The following PCDH11X variants were observed in gnomAD, a reference collection of about 807,000 sequenced individuals.
PCDH11X encodes the protein protocadherin 11 X-linked.
A neutral mutation model predicts 53.3 loss-of-function variants in PCDH11X; 18 were observed. The ratio of observed to expected loss-of-function variants is 0.34; its 90% CI spans 0.23 to 0.50. PCDH11X has a LOEUF of 0.50. Among genes scored for constraint, PCDH11X ranks in the 20% least tolerant of loss-of-function variants. The probability of loss-of-function intolerance (pLI) is 0.98; values close to 1 mark genes in which losing one functional copy is unlikely to be tolerated. For missense variants in PCDH11X, 570 were observed against 1,032.4 expected, an observed-to-expected ratio of 0.55 and a Z score of 6.14; for synonymous variants, 279 against 393.3, an observed-to-expected ratio of 0.71 and a Z score of 3.44.
intron 5 of PCDH11X, among the ~76,000 whole-genome samples, chrX:91,872,584 C>T (rs1440640988): frequency 4.6e-5 from 5 of 109,584 alleles, no homozygotes; most frequent in African/African-American, 6.6e-5. Context: ...TATATGAAGG[C>T]GTACCTAGAG....
chrX:92,054,840 A>AG lies in PCDH11X; in HGVS notation c.3034-146535_3034-146534insG, dbSNP rs761970338. On this transcript the variant is annotated intron_variant, in intron 6 of 10. Transcript: ENST00000682573. The stretch of plus-strand genomic sequence containing the variant: ...TGTCTCAAAAAAAAAAAAAAAAAAA[A>AG]AAAAGAAAAGAAAAGAAAAGAAAAA... 1.8e-3 allele frequency among the ~76,000 whole-genome samples: 191 copies of AG among 104,732 alleles called. 1 individual carries two copies. The highest frequency in any genetic ancestry group is 0.012 in the East Asian group (40 of 3,377). The allele number at this position is 104,732 out of a possible 115,157, so 90.9% of individuals were successfully genotyped here.
Position 91,878,001 on chromosome X carries a change from T to C in PCDH11X, c.1761T>C (p.Gly587=). The C allele has an allele frequency of 1.7e-6, 2 of 1,211,024 alleles. No homozygotes were observed. The highest frequency in any genetic ancestry group is 1.8e-5 in the South Asian group (1 of 56,907). ...FYVPENLPRH[G]TVGLITVTDP... The stretch of plus-strand genomic sequence containing the variant: ...TCCCAGAAAACCTTCCAAGGCATGG[T>C]ACAGTAGGACTAATCACTGTAACTG... Residue 587 remains glycine (G), a synonymous_variant, in exon 6 of 11, where the codon GGT becomes GGC. Coordinates refer to ENST00000682573, the MANE Select transcript of PCDH11X (RefSeq NM_032968.5).
intron 8 of PCDH11X, among the ~76,000 whole-genome samples, chrX:92,351,981 A>T (rs1418153399): frequency 8.9e-6 from 1 of 112,345 alleles, no homozygotes; most frequent in Non-Finnish European, 1.9e-5. Context: ...AATTGGAAGT[A>T]TTAACTCAGT....
intron 9 of PCDH11X, among the ~76,000 whole-genome samples, chrX:92,449,018 C>G (rs2072720690): frequency 8.9e-6 from 1 of 111,833 alleles, no homozygotes; most frequent in African/African-American, 3.2e-5. Context: ...TAGGACTTTT[C>G]TAAAGTCCTC....
intron 1 of PCDH11X, among the ~76,000 whole-genome samples, chrX:91,807,235 G>T (rs1424366128): frequency 9.2e-6 from 1 of 108,222 alleles, no homozygotes; most frequent in Non-Finnish European, 1.9e-5. Flanking sequence ...TGTAGTCCTA[G>T]TTGGGAGGCT....
At chrX:92,104,710 G>A (rs1328575520) in intron 6 of PCDH11X, among the ~76,000 whole-genome samples, 3 of 110,519 alleles carry the variant, frequency 2.7e-5, no homozygotes, top group African/African-American at 6.6e-5. Flanking sequence ...AAGGAGGCAA[G>A]CCCAGAGAAA....
intron 8 of PCDH11X, among the ~76,000 whole-genome samples, chrX:92,367,870 G>A (rs2070513102): frequency 9.0e-6 from 1 of 111,027 alleles, no homozygotes; most frequent in Non-Finnish European, 1.9e-5. Flanking sequence ...TCCACTGTTA[G>A]TCTGATGGAC....
chrX:92,079,790 C>T (rs1448255103), intron 6 of PCDH11X, among the ~76,000 whole-genome samples: 1 of 111,080 alleles, frequency 9.0e-6, no homozygotes, highest in African/African-American at 3.3e-5. Context: ...GAATCACTGA[C>T]CCAGAAATAT....
At chrX:92,522,251 C>T (rs139799320) in intron 10 of PCDH11X, among the ~76,000 whole-genome samples, 1,715 of 110,978 alleles carry the variant, frequency 0.015, 40 homozygotes, top group African/African-American at 0.053. Flanking sequence ...ACGTAAGATG[C>T]CATTTTATGG....
At chrX:92,352,695 C>G (rs1314743775) in intron 8 of PCDH11X, among the ~76,000 whole-genome samples, 3 of 111,060 alleles carry the variant, frequency 2.7e-5, no homozygotes, top group African/African-American at 9.8e-5. Flanking sequence ...ATGTAGTAGT[C>G]TCCCCTTTTC....
intron 6 of PCDH11X, among the ~76,000 whole-genome samples, chrX:92,032,118 A>G (rs191629322): frequency 8.6e-4 from 96 of 112,013 alleles, no homozygotes; most frequent in African/African-American, 2.5e-3. Flanking sequence ...ATTCATTAAC[A>G]TGGAATGTCT....
intron 1 of PCDH11X, among the ~76,000 whole-genome samples, chrX:91,784,253 T>C (rs1230899412): frequency 8.9e-6 from 1 of 112,336 alleles, no homozygotes; most frequent in Non-Finnish European, 1.9e-5. Context: ...ATTGAATACA[T>C]TGATGTATTA....
chrX:92,247,534 A>G (rs186137758), intron 7 of PCDH11X, among the ~76,000 whole-genome samples: 169 of 111,666 alleles, frequency 1.5e-3, no homozygotes, highest in African/African-American at 5.1e-3. Flanking sequence ...TCTGCAGGCT[A>G]GAAGTCTGAA....
intron 8 of PCDH11X, among the ~76,000 whole-genome samples, chrX:92,324,858 C>T (rs1301969854): frequency 1.0e-5 from 1 of 98,869 alleles, no homozygotes; most frequent in East Asian, 3.2e-4. Context: ...GCCTCATTGT[C>T]TCTTGTCTCT....
intron 6 of PCDH11X, among the ~76,000 whole-genome samples, chrX:92,108,617 T>C (rs1336028237): frequency 1.8e-5 from 2 of 112,053 alleles, no homozygotes; most frequent in East Asian, 5.6e-4. Context: ...TGACCTTTAC[T>C]ACATGGCTGG....
intron 6 of PCDH11X, among the ~76,000 whole-genome samples, chrX:91,987,794 A>C (rs1220236280): frequency 9.0e-6 from 1 of 110,696 alleles, no homozygotes; most frequent in Non-Finnish European, 1.9e-5. Context: ...CAAATGCACA[A>C]AATTTGTGTT....
At chrX:92,471,674 G>A (rs1342113985) in intron 10 of PCDH11X, among the ~76,000 whole-genome samples, 2 of 108,000 alleles carry the variant, frequency 1.9e-5, no homozygotes, top group Non-Finnish European at 3.8e-5. Flanking sequence ...TTAGGTCTTT[G>A]AGTAATTGCC....
At chrX:92,276,211 G>A (rs2068086745) in intron 8 of PCDH11X, among the ~76,000 whole-genome samples, 1 of 108,284 alleles carries the variant, frequency 9.2e-6, no homozygotes, top group Admixed American at 1.0e-4. Flanking sequence ...GTAATGTGGA[G>A]TGGGTAGCCT....
At chrX:91,915,403 G>T (rs1374786714) in intron 6 of PCDH11X, among the ~76,000 whole-genome samples, 1 of 109,904 alleles carries the variant, frequency 9.1e-6, no homozygotes, top group African/African-American at 3.3e-5. Flanking sequence ...ATGGCAGAAT[G>T]GATAAAAATC....
Sources: allele counts gnomAD v4.1 joint callset (sites outside exome capture counted in the v4.1 genomes callset), GRCh38; gene constraint gnomAD v4.1.1; transcripts MANE v1.5; gene names NCBI Gene and HGNC (gene_info 2026-07-23, HGNC 2026-07-21).